The following LSP1 variants were observed in gnomAD, a reference collection of about 807,000 sequenced individuals.
The protein encoded by LSP1 is lymphocyte specific protein 1, also known as lymphocyte-specific protein 1.
A neutral mutation model predicts 49.3 loss-of-function variants in LSP1; 32 were observed. The ratio of observed to expected loss-of-function variants is 0.65; its 90% CI spans 0.49 to 0.87. The LOEUF (loss-of-function observed/expected upper bound fraction) is 0.87, where lower values mean the gene tolerates loss of function less well. LSP1 is among the 40% of genes least tolerant of loss of function. The pLI is 0.00. For synonymous variants in LSP1, 179 were observed against 178.8 expected, an observed-to-expected ratio of 1.00 and a Z score of -0.01; for missense variants, 428 against 442.6, an observed-to-expected ratio of 0.97 and a Z score of 0.30.
At chr11:1,873,199 C>T (rs983052647) in intron 1 of LSP1, among the ~76,000 whole-genome samples, 85 of 151,754 alleles carry the variant, frequency 5.6e-4, no homozygotes, top group African/African-American at 2.0e-3. Flanking sequence ...GGGTGGGGGG[C>T]GGCTCTGTCT....
intron 1 of LSP1, among the ~76,000 whole-genome samples, chr11:1,866,269 G>A (rs1232724293): frequency 6.6e-6 from 1 of 152,216 alleles, no homozygotes; most frequent in Non-Finnish European, 1.5e-5. Context: ...ATGCTGGCCG[G>A]ACCTCGAGCT....
intron 10 of LSP1, among the ~76,000 whole-genome samples, chr11:1,888,276 C>G (rs1039217907): frequency 2.6e-5 from 4 of 152,200 alleles, no homozygotes; most frequent in Non-Finnish European, 4.4e-5. Context: ...CAGAGCCTGG[C>G]TGACTGCTGA....
intron 1 of LSP1, among the ~76,000 whole-genome samples, chr11:1,865,928 C>T (rs901649120): frequency 3.3e-5 from 5 of 151,998 alleles, no homozygotes; most frequent in South Asian, 2.1e-4. Context: ...GGAAGGTGCC[C>T]GGGCCTTGTC....
At position 1,886,746 on chromosome 11, in the gene LSP1, C is replaced by A; in HGVS notation, c.732C>A (p.Thr244=). ...CTCCTCTGCAGACCGCTGGCCGGAC[C>A]CCCAAGCTAGCCCGCCAGGCCTCCA... ...YTQAIETAGR[T]PKLARQASIE... The change falls in exon 8 of 11, where the codon ACC becomes ACA. Residue 244 remains threonine (T), a synonymous_variant. Transcript: ENST00000311604. 1 of 1,610,680 alleles carries A rather than the reference C, an allele frequency of 6.2e-7. No homozygotes were observed. Among genetic ancestry groups the A allele is most frequent in the Non-Finnish European group, 8.5e-7 (1 of 1,178,904 alleles).
chr11:1,860,718 C>T (rs1362254186), intron 1 of LSP1, among the ~76,000 whole-genome samples: 2 of 151,912 alleles, frequency 1.3e-5, no homozygotes, highest in Admixed American at 1.3e-4. Context: ...GATCATCAGC[C>T]CAACAGCTAA....
chr11:1,877,451 C>T (rs1848359165), intron 1 of LSP1, among the ~76,000 whole-genome samples: 1 of 152,168 alleles, frequency 6.6e-6, no homozygotes, highest in Non-Finnish European at 1.5e-5. Flanking sequence ...TCCCCCAGGC[C>T]CCTAGCCAGG....
rs56375729 is a variant in LSP1 at position 1,853,275 on chromosome 11, G to T, written c.53+78G>T. The T allele has an allele frequency of 1.1e-5, 16 of 1,455,274 alleles. No homozygotes were observed. The South Asian group carries it at 1.8e-4, about 17-fold the overall frequency. The allele number at this position is 1,455,274 out of a possible 1,614,324, so 90.1% of individuals were successfully genotyped here. On this transcript the variant is annotated intron_variant, in intron 1 of 10. Transcript: ENST00000311604. ...GTCCTTGAGCTGCATGGAGGGTGGA[G>T]AACTGAGGTGCCTGATGGGGAATCT...
intron 1 of LSP1, among the ~76,000 whole-genome samples, chr11:1,874,007 C>CAGGGAGCCCGGCAGAGG (rs1848179894): frequency 2.1e-4 from 12 of 56,986 alleles, no homozygotes; most frequent in South Asian, 5.1e-4. Context: ...GCTGGCAGAG[C>CAGGGAGCCCGGCAGAGG]AGGGAGGCCG....
In LSP1 at chr11:1,854,414, C is replaced by T. The variant is rs576262721; in HGVS notation, c.53+1217C>T. 1.3e-4 allele frequency among the ~76,000 whole-genome samples: 20 copies of T among 152,350 alleles called. No homozygotes were observed. In the South Asian group the frequency reaches 2.5e-3, roughly 19 times the overall value. ...ACCCGGGGCGGTGCAGGGACCACCT[C>T]CCGGCCTTCACACAAAGCTCCTGTG... On this transcript the variant is annotated intron_variant, in intron 1 of 10. Transcript: ENST00000311604.
Position 1,886,877 on chromosome 11 carries a change from C to T in LSP1, c.852+11C>T, listed in dbSNP as rs754650757. On this transcript the variant is annotated intron_variant, in intron 8 of 10. Transcript: ENST00000311604. Reference sequence around the variant, plus strand: ...ACTCCGTCCTGCAAGGTAAGGTCCCCTCCAGGGGCAAGGCTGGGCTGCAGA... The same window carrying T: ...ACTCCGTCCTGCAAGGTAAGGTCCCTTCCAGGGGCAAGGCTGGGCTGCAGA... 5.6e-6 allele frequency: 9 copies of T among 1,608,720 alleles called. No homozygotes were observed. Among genetic ancestry groups the T allele is most frequent in the Non-Finnish European group, 7.6e-6 (9 of 1,178,466 alleles).
At chr11:1,888,255 G>A (rs1848838492) in intron 10 of LSP1, among the ~76,000 whole-genome samples, 1 of 152,252 alleles carries the variant, frequency 6.6e-6, no homozygotes, top group African/African-American at 2.4e-5. Context: ...CCTGTGGTTG[G>A]CCACCCCCAC....
At chr11:1,865,770 T>G (rs1847770722) in intron 1 of LSP1, among the ~76,000 whole-genome samples, 1 of 151,670 alleles carries the variant, frequency 6.6e-6, no homozygotes, top group African/African-American at 2.4e-5. Context: ...ATCCTCTGGG[T>G]GGCTTCTGGG....
intron 2 of LSP1, 62 bp from the exon 3 acceptor site, chr11:1,881,370 G>A: frequency 1.4e-6 from 2 of 1,475,316 alleles, no homozygotes; most frequent in Non-Finnish European, 1.8e-6. Flanking sequence ...TGAGGTGAGT[G>A]TGGGCCCTGG....
intron 1 of LSP1, chr11:1,865,221 T>C: frequency 1.0e-6 from 1 of 985,522 alleles, no homozygotes; most frequent in Non-Finnish European, 1.2e-6. Context: ...CCCGGGCTTC[T>C]GAGGAGGAAC....
At chr11:1,876,864 G>C (rs1389563824) in intron 1 of LSP1, among the ~76,000 whole-genome samples, 1 of 152,186 alleles carries the variant, frequency 6.6e-6, no homozygotes, top group Non-Finnish European at 1.5e-5. Flanking sequence ...GTGCATACTG[G>C]TGTCCCTGGC....
At chr11:1,853,464 G>A (rs1013545801) in intron 1 of LSP1, among the ~76,000 whole-genome samples, 9 of 152,236 alleles carry the variant, frequency 5.9e-5, no homozygotes, top group African/African-American at 2.2e-4. Flanking sequence ...GGGATCCTAA[G>A]CCCATGGTGG....
At chr11:1,887,705 C>A (rs1321500669) in intron 10 of LSP1, 129 bp downstream of exon 10, 4 of 646,118 alleles carry the variant, frequency 6.2e-6, no homozygotes, top group Non-Finnish European at 8.1e-6. Flanking sequence ...TTGGCCAGAA[C>A]CCAGACCAGC....
At chr11:1,876,061 G>A (rs1251545648) in intron 1 of LSP1, among the ~76,000 whole-genome samples, 3 of 152,236 alleles carry the variant, frequency 2.0e-5, no homozygotes, top group Admixed American at 6.5e-5. Context: ...AGCTGCCACC[G>A]CCTTTGCCCT....
intron 10 of LSP1, chr11:1,888,926 G>A (rs975017391): frequency 1.9e-5 from 9 of 477,830 alleles, no homozygotes; most frequent in African/African-American, 1.8e-4. Flanking sequence ...TGCAGCCCAG[G>A]GGCTCCAGCT....
Sources: allele counts gnomAD v4.1 joint callset (sites outside exome capture counted in the v4.1 genomes callset), GRCh38; gene constraint gnomAD v4.1.1; transcripts MANE v1.5; gene names NCBI Gene and HGNC (gene_info 2026-07-23, HGNC 2026-07-21).